The following CPNE4 variants were observed in gnomAD, a reference collection of about 807,000 sequenced individuals.
CPNE4 encodes the protein copine-4.
Under a neutral mutation model 67.9 loss-of-function variants are expected in CPNE4, and 25 were observed. That is an observed-to-expected ratio of 0.37 (90% CI 0.27 to 0.51). The LOEUF (loss-of-function observed/expected upper bound fraction) is 0.51. CPNE4 is among the 20% of genes least tolerant of loss of function. CPNE4 has a pLI of 0.93. For missense variants in CPNE4, 464 were observed against 690.8 expected (o/e 0.67, Z 3.68); for synonymous variants, 242 against 244.9 (o/e 0.99, Z 0.11).
At chr3:131,984,176 G>C (rs981526698) in intron 1 of CPNE4, among the ~76,000 whole-genome samples, 6 of 152,100 alleles carry the variant, frequency 3.9e-5, no homozygotes, top group Non-Finnish European at 8.8e-5. Context: ...CCTTTAAGAG[G>C]CCACACAAAT....
chr3:132,038,951 C>T (rs1375005801), upstream of CPNE4, among the ~76,000 whole-genome samples: 1 of 152,104 alleles, frequency 6.6e-6, no homozygotes, highest in Non-Finnish European at 1.5e-5. Flanking sequence ...TAAGGTCTAG[C>T]CCTGCACTAT....
intron 7 of CPNE4, among the ~76,000 whole-genome samples, chr3:131,636,540 A>C (rs2079391226): frequency 6.6e-6 from 1 of 152,094 alleles, no homozygotes; most frequent in Non-Finnish European, 1.5e-5. Context: ...GCCCCCACCT[A>C]GTGGTCTTTC....
chr3:131,923,585 G>A (rs867463223), intron 1 of CPNE4, among the ~76,000 whole-genome samples: 1 of 150,820 alleles, frequency 6.6e-6, no homozygotes, highest in Non-Finnish European at 1.5e-5. Flanking sequence ...CATGCCTATA[G>A]TACCACCTAC....
At chr3:131,824,594 A>G (rs148383342) in intron 2 of CPNE4, among the ~76,000 whole-genome samples, 37 of 152,300 alleles carry the variant, frequency 2.4e-4, no homozygotes, top group African/African-American at 6.0e-4. Context: ...AGTTTTATTC[A>G]TATTTAAGCA....
chr3:131,807,839 G>T (rs1430390998), intron 2 of CPNE4, among the ~76,000 whole-genome samples: 1 of 152,072 alleles, frequency 6.6e-6, no homozygotes, highest in Non-Finnish European at 1.5e-5. Context: ...CTCCATGATA[G>T]CAAGAATATT....
intron 2 of CPNE4, among the ~76,000 whole-genome samples, chr3:131,768,166 C>T (rs565232330): frequency 3.1e-4 from 47 of 152,146 alleles, no homozygotes; most frequent in South Asian, 8.3e-4. Context: ...AGCTGGTTTT[C>T]GGGAACATTT....
At chr3:131,953,238 T>TAAAGAAA (rs369308316) in intron 1 of CPNE4, among the ~76,000 whole-genome samples, 1 of 75,702 alleles carries the variant, frequency 1.3e-5, no homozygotes, top group Non-Finnish European at 2.8e-5. Flanking sequence ...GAATGATCAA[T>TAAAGAAA]TAAAAAAAAA....
At chr3:131,842,512 A>G (rs1704358788) in intron 2 of CPNE4, among the ~76,000 whole-genome samples, 1 of 152,218 alleles carries the variant, frequency 6.6e-6, no homozygotes, top group Non-Finnish European at 1.5e-5. Context: ...GAGGACAGGA[A>G]GGGGAAATTC....
chr3:131,978,195 T>A (rs1192974348), intron 1 of CPNE4, among the ~76,000 whole-genome samples: 40 of 51,446 alleles, frequency 7.8e-4, no homozygotes, highest in African/African-American at 6.7e-3. Flanking sequence ...AATATATTTA[T>A]AATTATTATA....
At chr3:131,970,354 T>C (rs2072469323) in intron 1 of CPNE4, among the ~76,000 whole-genome samples, 1 of 152,208 alleles carries the variant, frequency 6.6e-6, no homozygotes, top group African/African-American at 2.4e-5. Context: ...GCTTATTTGT[T>C]ACAGTGATAT....
At chr3:131,535,470 C>T (rs1262354055) in intron 15 of CPNE4, 141 bp from the exon 16 acceptor site, 1 of 732,730 alleles carries the variant, frequency 1.4e-6, no homozygotes, top group East Asian at 2.9e-5. Flanking sequence ...CTACTTCAAG[C>T]AATAGTTGTC....
intron 1 of CPNE4, among the ~76,000 whole-genome samples, chr3:131,924,834 A>G (rs2070850586): frequency 6.6e-6 from 1 of 152,162 alleles, no homozygotes; most frequent in African/African-American, 2.4e-5. Flanking sequence ...TTGGTGACTT[A>G]TATGTCCCTG....
At chr3:131,675,656 G>C (rs2080538285) in intron 6 of CPNE4, among the ~76,000 whole-genome samples, 1 of 151,930 alleles carries the variant, frequency 6.6e-6, no homozygotes, top group Non-Finnish European at 1.5e-5. Context: ...ATTTGCATGG[G>C]ATACATTTTT....
At chr3:131,879,551 T>C (rs2087587812) in intron 2 of CPNE4, among the ~76,000 whole-genome samples, 1 of 152,108 alleles carries the variant, frequency 6.6e-6, no homozygotes, top group South Asian at 2.1e-4. Flanking sequence ...GAAACATCCC[T>C]TCCTCTCCCC....
intron 7 of CPNE4, among the ~76,000 whole-genome samples, chr3:131,626,625 T>A (rs2107769059): frequency 6.6e-6 from 1 of 152,332 alleles, no homozygotes; most frequent in Non-Finnish European, 1.5e-5. Context: ...CAGAAAAGTA[T>A]AAAGTGAAGC....
At chr3:131,549,842 G>T in intron 14 of CPNE4, 105 bp downstream of exon 14, 1 of 1,307,160 alleles carries the variant, frequency 7.7e-7, no homozygotes, top group South Asian at 1.4e-5. Flanking sequence ...AATTCACACA[G>T]GGAGAAGTGT....
chr3:131,738,610 G>A (rs2082290447), intron 2 of CPNE4, among the ~76,000 whole-genome samples: 1 of 142,138 alleles, frequency 7.0e-6, no homozygotes. Flanking sequence ...TGGGGTTTTT[G>A]GTTTTGTGGG....
At chr3:131,588,274 G>A (rs1938312313) in intron 7 of CPNE4, among the ~76,000 whole-genome samples, 2 of 152,158 alleles carry the variant, frequency 1.3e-5, no homozygotes, top group African/African-American at 2.4e-5. Flanking sequence ...CAGCTCTCGA[G>A]TGATACTTTT....
At chr3:131,739,055 A>G (rs929760884) in intron 2 of CPNE4, among the ~76,000 whole-genome samples, 1 of 152,026 alleles carries the variant, frequency 6.6e-6, no homozygotes, top group East Asian at 1.9e-4. Flanking sequence ...GGGTTTCGCC[A>G]TGTTGGCCAG....
Sources: gnomAD v4.1 joint callset for allele counts (sites outside exome capture counted in the v4.1 genomes callset) on GRCh38, gnomAD v4.1.1 for gene constraint, MANE v1.5 for transcripts, NCBI Gene and HGNC (gene_info 2026-07-23, HGNC 2026-07-21) for gene names.